The following DISC1 variants were observed in gnomAD, a reference collection of about 807,000 sequenced individuals.
DISC1 encodes disrupted in schizophrenia 1 protein.
Under a neutral mutation model 84.5 loss-of-function variants are expected in DISC1, and 57 were observed. The ratio of observed to expected loss-of-function variants is 0.67; its 90% CI spans 0.55 to 0.84. The LOEUF is 0.84. Ranked by LOEUF, DISC1 falls within the 40% of genes least tolerant of loss-of-function variation. The probability of loss-of-function intolerance (pLI) is 0.00; values close to 1 mark genes in which losing one functional copy is unlikely to be tolerated. For synonymous variants in DISC1, 411 were observed against 415.2 expected, an observed-to-expected ratio of 0.99 and a Z score of 0.12; for missense variants, 1,000 against 1,057.8, an observed-to-expected ratio of 0.95 and a Z score of 0.76.
intron 3 of DISC1, among the ~76,000 whole-genome samples, chr1:231,706,380 G>A (rs923473422): frequency 7.2e-5 from 11 of 152,156 alleles, no homozygotes; most frequent in Middle Eastern, 3.2e-3. Context: ...AAAGGTGGGC[G>A]TGGGCAACAA....
At chr1:231,691,353 C>T (rs746313808) in intron 1 of DISC1, among the ~76,000 whole-genome samples, 24 of 151,950 alleles carry the variant, frequency 1.6e-4, no homozygotes, top group Admixed American at 1.6e-3. Flanking sequence ...ATCACTTGAA[C>T]CTGGGAGGTG....
intron 3 of DISC1, among the ~76,000 whole-genome samples, chr1:231,721,978 T>C (rs1558421664): frequency 2.0e-5 from 3 of 151,610 alleles, no homozygotes; most frequent in Admixed American, 1.3e-4. Flanking sequence ...ATGGTGAAAC[T>C]CCATCTCTAC....
intron 9 of DISC1, among the ~76,000 whole-genome samples, chr1:231,853,433 C>T (rs148519269): frequency 1.7e-3 from 259 of 152,266 alleles, no homozygotes; most frequent in Middle Eastern, 6.8e-3. Context: ...ATGTGACTGT[C>T]CTGAATACTG....
chr1:231,721,324 A>G (rs1428993539), intron 3 of DISC1, among the ~76,000 whole-genome samples: 1 of 152,182 alleles, frequency 6.6e-6, no homozygotes, highest in Non-Finnish European at 1.5e-5. Context: ...TTTTTAGGAG[A>G]GAAAAAATTA....
chr1:231,760,365 C>T (rs1195402968), intron 4 of DISC1, among the ~76,000 whole-genome samples: 1 of 152,102 alleles, frequency 6.6e-6, no homozygotes, highest in Admixed American at 6.5e-5. Context: ...TCACCATCTT[C>T]CCAAAGAGGG....
At chr1:231,933,390 A>G (rs560613908) in intron 9 of DISC1, among the ~76,000 whole-genome samples, 1 of 152,338 alleles carries the variant, frequency 6.6e-6, no homozygotes, top group East Asian at 1.9e-4. Flanking sequence ...AGTGATAATA[A>G]TATGCCTAAT....
At position 231,826,090 on chromosome 1, in the gene DISC1, A is replaced by C. The variant is rs961544927; in HGVS notation, c.1981+7573A>C. On this transcript the variant is annotated intron_variant, in intron 9 of 12. Coordinates refer to ENST00000439617, the MANE Select transcript of DISC1 (RefSeq NM_018662.3). The surrounding 1 kb of genome is among the most constrained non-coding windows in gnomAD (Gnocchi z 4.2). Reference sequence around the variant, plus strand: ...TTTCTCAAGCACTTGAGAACTAAGCACTGTGCTAAGACTTGACATACTTTA... The same window carrying C: ...TTTCTCAAGCACTTGAGAACTAAGCCCTGTGCTAAGACTTGACATACTTTA... Among the ~76,000 whole-genome samples, 1 of 152,208 alleles carries C rather than the reference A, an allele frequency of 6.6e-6. No homozygotes were observed. The highest frequency in any genetic ancestry group is 2.4e-5 in the African/African-American group (1 of 41,454).
intron 9 of DISC1, among the ~76,000 whole-genome samples, chr1:231,920,975 C>T (rs1169479146): frequency 2.0e-5 from 3 of 147,238 alleles, no homozygotes; most frequent in South Asian, 2.1e-4. Flanking sequence ...GGCGTGATCT[C>T]GGCTCACTGC....
At chr1:231,986,329 A>G (rs1422637702) in intron 10 of DISC1, among the ~76,000 whole-genome samples, 1 of 152,212 alleles carries the variant, frequency 6.6e-6, no homozygotes. Context: ...CAATGGATGC[A>G]TAAGGCAGTG....
intron 1 of DISC1, among the ~76,000 whole-genome samples, chr1:231,669,306 T>C (rs568930328): frequency 6.6e-6 from 1 of 152,300 alleles, no homozygotes; most frequent in African/African-American, 2.4e-5. Context: ...ATTCAGGACA[T>C]AGACATGGGC....
intron 3 of DISC1, among the ~76,000 whole-genome samples, chr1:231,717,145 T>C (rs939570709): frequency 5.3e-5 from 8 of 152,170 alleles, no homozygotes; most frequent in Non-Finnish European, 1.0e-4. Flanking sequence ...ATGCATCAGC[T>C]GCTCTAGAGG....
At chr1:231,772,139 A>G (rs1187443329) in intron 6 of DISC1, among the ~76,000 whole-genome samples, 1 of 151,382 alleles carries the variant, frequency 6.6e-6, no homozygotes, top group Non-Finnish European at 1.5e-5. Flanking sequence ...ATTTTTTTGT[A>G]GAGGTGAAGT....
At chr1:231,650,559 G>A (rs145224557) in intron 1 of DISC1, among the ~76,000 whole-genome samples, 4,710 of 152,236 alleles carry the variant, frequency 0.031, 99 homozygotes, top group Middle Eastern at 0.099. Flanking sequence ...CTCTTCTTGA[G>A]GAGTATCTTT....
At chr1:232,028,341 G>C (rs1165543130) in intron 12 of DISC1, among the ~76,000 whole-genome samples, 1 of 152,154 alleles carries the variant, frequency 6.6e-6, no homozygotes, top group African/African-American at 2.4e-5. Context: ...TCTGAGGGCT[G>C]CAGTCAGGGT....
chr1:231,707,829 A>G (rs919377860), intron 3 of DISC1, among the ~76,000 whole-genome samples: 6 of 152,120 alleles, frequency 3.9e-5, no homozygotes, highest in Admixed American at 6.5e-5. Context: ...TTAAATCCCT[A>G]AAACCCCAAA....
chr1:231,795,870 CAG>C (rs772050068), intron 7 of DISC1, among the ~76,000 whole-genome samples: 7 of 151,646 alleles, frequency 4.6e-5, no homozygotes, highest in Non-Finnish European at 8.8e-5. Context: ...GCCTGGGAGA[CAG>C]AGCGAGACTC....
chr1:231,714,828 A>G (rs1490384139), intron 3 of DISC1, among the ~76,000 whole-genome samples: 2 of 152,162 alleles, frequency 1.3e-5, no homozygotes, highest in Non-Finnish European at 2.9e-5. Context: ...TCTTTTATGA[A>G]TCTATCTTAA....
At chr1:231,996,714 G>T (rs1208724124) in intron 10 of DISC1, among the ~76,000 whole-genome samples, 1 of 152,200 alleles carries the variant, frequency 6.6e-6, no homozygotes, top group African/African-American at 2.4e-5. Flanking sequence ...ACATGCCTGG[G>T]TCTCAGGAGG....
intron 1 of DISC1, among the ~76,000 whole-genome samples, chr1:231,654,154 A>T (rs1262088394): frequency 6.6e-6 from 1 of 152,128 alleles, no homozygotes; most frequent in Non-Finnish European, 1.5e-5. Flanking sequence ...ATTGCAGGGG[A>T]GTCCGCCATC....
Sources: allele counts gnomAD v4.1 joint callset (sites outside exome capture counted in the v4.1 genomes callset), GRCh38; gene constraint gnomAD v4.1.1; non-coding constraint Gnocchi (gnomAD v3.1); transcripts MANE v1.5; gene names NCBI Gene and HGNC (gene_info 2026-07-23, HGNC 2026-07-21).